The following TMEM71 variants were observed in gnomAD, a reference collection of about 807,000 sequenced individuals.
The protein encoded by TMEM71 is transmembrane protein 71.
TMEM71 carries 44 observed loss-of-function variants against 38.0 expected under a neutral mutation model. The ratio of observed to expected loss-of-function variants is 1.16; its 90% CI spans 0.91 to 1.49. TMEM71 has a LOEUF of 1.49. TMEM71 is among the 40% of genes most tolerant of loss of function. TMEM71 has a pLI of 0.00. For synonymous variants in TMEM71, 133 were observed against 122.5 expected (o/e 1.09, Z -0.56); for missense variants, 367 against 348.6 (o/e 1.05, Z -0.42).
the TMEM71 span, chr8:132,775,506 C>A: frequency 5.3e-6 from 2 of 376,058 alleles, no homozygotes; most frequent in Non-Finnish European, 9.5e-6. Flanking sequence ...GGCGCTGCGG[C>A]CCCAGCTCGC....
chr8:132,747,414 G>C (rs550624419), intron 4 of TMEM71, among the ~76,000 whole-genome samples: 1 of 152,300 alleles, frequency 6.6e-6, no homozygotes, highest in African/African-American at 2.4e-5. Flanking sequence ...ATCTTTCTTA[G>C]TGCTTTACAT....
At chr8:132,775,602 G>C in the TMEM71 span, 1 of 345,664 alleles carries the variant, frequency 2.9e-6, no homozygotes, top group East Asian at 4.3e-5. Context: ...GCCCCAGCTC[G>C]GCCCCGGACG....
chr8:132,734,507 C>T (rs985090277), intron 5 of TMEM71, among the ~76,000 whole-genome samples: 1 of 152,074 alleles, frequency 6.6e-6, no homozygotes, highest in African/African-American at 2.4e-5. Context: ...GTGCTGTTTC[C>T]CAGGGCTGCC....
chr8:132,705,866 C>T (rs1269463700), downstream of TMEM71, among the ~76,000 whole-genome samples: 1 of 152,120 alleles, frequency 6.6e-6, no homozygotes, highest in Non-Finnish European at 1.5e-5. Context: ...ATTAGGCATA[C>T]ATTTTTGGTA....
At chr8:132,759,055 C>T (rs1214018028) in intron 1 of TMEM71, 140 bp from the exon 2 acceptor site, 1 of 601,704 alleles carries the variant, frequency 1.7e-6, no homozygotes, top group African/African-American at 1.9e-5. Context: ...GGTAGGAGAC[C>T]AGACTGAAGA....
Position 132,710,694 on chromosome 8 carries a change from G to A in TMEM71, c.*273C>T, listed in dbSNP as rs1826189506. The A allele has an allele frequency of 1.1e-5, 6 of 545,032 alleles. No individual in the cohort carries two copies. Among genetic ancestry groups the A allele is most frequent in the South Asian group, 5.3e-5 (2 of 37,724 alleles). 33.8% of individuals were successfully genotyped at this position (545,032 alleles called of 1,614,324 possible). ...TCATAGGGGGACATTTATTCCAGGC[G>A]GTCTCTTTTCCATCACATTCCCCGT... On this transcript the variant is annotated 3_prime_UTR_variant, in exon 10 of 10. Transcript: ENST00000677595.
intron 4 of TMEM71, among the ~76,000 whole-genome samples, chr8:132,750,022 A>AAG (rs1554619431): frequency 1.8e-4 from 27 of 151,186 alleles, no homozygotes; most frequent in East Asian, 1.2e-3. Flanking sequence ...CAAAAAAAAA[A>AAG]AAAGAAAGAA....
upstream of TMEM71, among the ~76,000 whole-genome samples, chr8:132,764,524 C>T (rs963289901): frequency 8.5e-5 from 13 of 152,192 alleles, no homozygotes; most frequent in Non-Finnish European, 1.5e-5. Flanking sequence ...CTGGTAGGGT[C>T]TGGACTTGAC....
intron 1 of TMEM71, among the ~76,000 whole-genome samples, 156 bp from the exon 2 acceptor site, chr8:132,759,071 C>T (rs2433052): frequency 0.38 from 57,911 of 151,974 alleles, 11,385 homozygotes; most frequent in Non-Finnish European, 0.44. Context: ...GAAGACACAA[C>T]CCCTCTAAAG....
At chr8:132,707,074 A>G (rs1826105024), downstream of TMEM71, among the ~76,000 whole-genome samples, 1 of 152,248 alleles carries the variant, frequency 6.6e-6, no homozygotes, top group South Asian at 2.1e-4. Flanking sequence ...AGTAAAGTCT[A>G]CAAGACAAAT....
At chr8:132,752,961 G>A (rs1309916623) in intron 3 of TMEM71, among the ~76,000 whole-genome samples, 1 of 151,974 alleles carries the variant, frequency 6.6e-6, no homozygotes, top group African/African-American at 2.4e-5. Flanking sequence ...AGTTTCTTGA[G>A]GTGAGCTTTG....
At chr8:132,759,158 A>G in intron 1 of TMEM71, 1 of 317,222 alleles carries the variant, frequency 3.2e-6, no homozygotes, top group East Asian at 5.3e-5. Context: ...TGTAAATAAG[A>G]ACCACACTTT....
chr8:132,774,031 C>CTTTA, the TMEM71 span, among the ~76,000 whole-genome samples: 1 of 152,230 alleles, frequency 6.6e-6, no homozygotes, highest in South Asian at 2.1e-4. Flanking sequence ...TCAAGCAGTG[C>CTTTA]TTTACACTGT....
At chr8:132,744,023 AT>A (rs924376133) in intron 5 of TMEM71, among the ~76,000 whole-genome samples, 3 of 151,870 alleles carry the variant, frequency 2.0e-5, no homozygotes, top group Non-Finnish European at 4.4e-5. Context: ...ATATCATATA[AT>A]TTTTTTTCAT....
chr8:132,754,504 T>C (rs1245905119), intron 3 of TMEM71, among the ~76,000 whole-genome samples: 1 of 152,196 alleles, frequency 6.6e-6, no homozygotes, highest in African/African-American at 2.4e-5. Context: ...GTTTAGTTGT[T>C]GTTGTTATTG....
intron 4 of TMEM71, among the ~76,000 whole-genome samples, chr8:132,750,543 A>G (rs1452587082): frequency 1.3e-5 from 2 of 152,198 alleles, no homozygotes; most frequent in Admixed American, 6.5e-5. Context: ...ACTGAAGCCA[A>G]CCTCAACCTA....
chr8:132,758,955 A>G, intron 1 of TMEM71, 40 bp from the exon 2 acceptor site: 3 of 1,312,790 alleles, frequency 2.3e-6, no homozygotes, highest in Non-Finnish European at 3.3e-6. Context: ...TATATATTAA[A>G]AATAGAAAAA....
chr8:132,767,565 C>T, the TMEM71 span, among the ~76,000 whole-genome samples: 3 of 151,230 alleles, frequency 2.0e-5, no homozygotes, highest in Admixed American at 6.6e-5. Flanking sequence ...ACCTCTGCTT[C>T]CCGGGCTCAA....
intron 3 of TMEM71, 32 bp downstream of exon 3, chr8:132,757,202 A>C (rs368282677): frequency 6.4e-7 from 1 of 1,559,002 alleles, no homozygotes; most frequent in East Asian, 2.3e-5. Context: ...GGCCAGAATG[A>C]TTATTTTTTT....
Sources: gnomAD v4.1 joint callset for allele counts (sites outside exome capture counted in the v4.1 genomes callset) on GRCh38, gnomAD v4.1.1 for gene constraint, MANE v1.5 for transcripts, NCBI Gene and HGNC (gene_info 2026-07-23, HGNC 2026-07-21) for gene names.